The following ABHD3 variants were observed in gnomAD, a reference collection of about 807,000 sequenced individuals.
ABHD3 encodes phospholipase ABHD3.
ABHD3 carries 46 observed loss-of-function variants against 48.8 expected under a neutral mutation model. That is an observed-to-expected ratio of 0.94 (90% CI 0.74 to 1.20). The LOEUF is 1.20. Among genes scored for constraint, ABHD3 ranks in the 50% most tolerant of loss-of-function variants. The pLI is 0.00. For synonymous variants in ABHD3, 192 were observed against 183.7 expected, an observed-to-expected ratio of 1.04 and a Z score of -0.36; for missense variants, 490 against 497.8, an observed-to-expected ratio of 0.98 and a Z score of 0.15.
intron 8 of ABHD3, among the ~76,000 whole-genome samples, chr18:21,654,246 C>A (rs1014250025): frequency 6.6e-6 from 1 of 151,980 alleles, no homozygotes; most frequent in Non-Finnish European, 1.5e-5. Flanking sequence ...GTGATTGATG[C>A]AATAATTACA....
chr18:21,661,736 A>C (rs1029443981), intron 5 of ABHD3: 5 of 151,306 alleles, frequency 3.3e-5, no homozygotes, highest in Non-Finnish European at 7.4e-5. Flanking sequence ...GCAATAGCAC[A>C]ACGTAGGCTC....
At chr18:21,656,088 G>A (rs1159277556) in intron 8 of ABHD3, among the ~76,000 whole-genome samples, 3 of 151,328 alleles carry the variant, frequency 2.0e-5, no homozygotes, top group Non-Finnish European at 2.9e-5. Flanking sequence ...CCCGGGAGGC[G>A]GAGGTTGCAG....
At chr18:21,672,185 C>A (rs2039771928) in intron 4 of ABHD3, among the ~76,000 whole-genome samples, 1 of 152,008 alleles carries the variant, frequency 6.6e-6, no homozygotes, top group Non-Finnish European at 1.5e-5. Flanking sequence ...ATTTAAAATT[C>A]TTTTCATTAA....
At chr18:21,678,881 C>T (rs984351135) in intron 4 of ABHD3, among the ~76,000 whole-genome samples, 1 of 152,122 alleles carries the variant, frequency 6.6e-6, no homozygotes, top group African/African-American at 2.4e-5. Flanking sequence ...TTGGGCTTTC[C>T]CTCAATCCTA....
intron 3 of ABHD3, among the ~76,000 whole-genome samples, chr18:21,695,588 T>C (rs2040351983): frequency 6.6e-6 from 1 of 152,116 alleles, no homozygotes; most frequent in Non-Finnish European, 1.5e-5. Context: ...ATTACTTTTA[T>C]TTTTGCCATT....
At chr18:21,668,120 G>A (rs1050349866) in intron 4 of ABHD3, among the ~76,000 whole-genome samples, 3 of 138,206 alleles carry the variant, frequency 2.2e-5, no homozygotes, top group African/African-American at 8.4e-5. Flanking sequence ...AGAATGGCAC[G>A]AACCCAGGAG....
At chr18:21,675,381 G>A (rs1188169846) in intron 4 of ABHD3, among the ~76,000 whole-genome samples, 1 of 147,940 alleles carries the variant, frequency 6.8e-6, no homozygotes, top group Non-Finnish European at 1.5e-5. Flanking sequence ...CGATTCTCCT[G>A]CCTCAGCCCC....
chr18:21,670,913 T>C lies in ABHD3; in HGVS notation c.556-6683A>G, dbSNP rs576592013. Among the ~76,000 whole-genome samples, 3 of 152,012 alleles carry C rather than the reference T, an allele frequency of 2.0e-5. No homozygotes were observed. In the South Asian group the frequency reaches 6.2e-4, roughly 32 times the overall value. ...CCTGTCATCCCAACTACTTGGGAGG[T>C]TGAGGTGGGAGGATTGCTTGAACTC... is the stretch of plus-strand genomic sequence containing the variant. On this transcript the variant is annotated intron_variant, in intron 4 of 8. Transcript: ENST00000289119.
At chr18:21,674,890 T>C (rs376205883) in intron 4 of ABHD3, among the ~76,000 whole-genome samples, 2 of 151,496 alleles carry the variant, frequency 1.3e-5, no homozygotes, top group South Asian at 4.2e-4. Context: ...CCTTTCTAAA[T>C]GCCTTCTTCA....
rs562560785 is a variant in ABHD3 at position 21,657,514 on chromosome 18, G to GT, written c.843-363dup. Among the ~76,000 whole-genome samples, 1,043 of 148,004 alleles carry GT rather than the reference G, an allele frequency of 7.0e-3. 15 individuals are homozygous for GT. Among genetic ancestry groups the GT allele is most frequent in the African/African-American group, 0.024 (974 of 40,420 alleles). On this transcript the variant is annotated intron_variant, in intron 6 of 8. Transcript: ENST00000289119. ...CCACCACACCCCACCAATTTTGTGGGTTTTTTTTTTCTTTTGGTAGAGATG... is the reference window on the plus strand; with the variant it reads ...CCACCACACCCCACCAATTTTGTGGGTTTTTTTTTTTCTTTTGGTAGAGATG...
At chr18:21,670,968 C>T (rs572457689) in intron 4 of ABHD3, among the ~76,000 whole-genome samples, 2 of 152,212 alleles carry the variant, frequency 1.3e-5, no homozygotes, top group South Asian at 2.1e-4. Context: ...GAGCCAAGAT[C>T]GTGCCACTGT....
chr18:21,687,316 C>T (rs934712130), intron 3 of ABHD3, among the ~76,000 whole-genome samples: 16 of 150,078 alleles, frequency 1.1e-4, no homozygotes, highest in African/African-American at 3.9e-4. Flanking sequence ...TCAAGCCATT[C>T]TCCTGCCTCA....
At chr18:21,703,815 G>C (rs746686138) in intron 1 of ABHD3, 68 bp from the exon 2 acceptor site, 172 of 1,550,868 alleles carry the variant, frequency 1.1e-4, no homozygotes, top group Non-Finnish European at 1.4e-4. Flanking sequence ...ACCAGAAACC[G>C]GCAAAGACTT....
chr18:21,701,502 C>T (rs919797724), intron 3 of ABHD3: 2 of 152,086 alleles, frequency 1.3e-5, no homozygotes, highest in African/African-American at 4.8e-5. Context: ...CTGTGACCAG[C>T]CTAAAATTAT....
chr18:21,667,767 A>G (rs899091213), intron 4 of ABHD3, among the ~76,000 whole-genome samples: 1 of 152,184 alleles, frequency 6.6e-6, no homozygotes, highest in Non-Finnish European at 1.5e-5. Context: ...CTGAATTTAG[A>G]GAGGTTAAAT....
intron 4 of ABHD3, chr18:21,683,453 A>C: frequency 2.4e-6 from 1 of 415,138 alleles, no homozygotes; most frequent in Non-Finnish European, 5.0e-6. Context: ...AAGTGGAAAA[A>C]AAATCACTGT....
At position 21,704,734 on chromosome 18, in the gene ABHD3, C is replaced by T; in HGVS notation, c.-69G>A. On this transcript the variant is annotated 5_prime_UTR_variant, in exon 1 of 9. Transcript: ENST00000289119. Reference sequence around the variant, plus strand: ...CGGCTGGCGAGCGGGCGAGAGCGGGCGAGAGCGGACGCGGCGCCGCTGCCT... The same window carrying T: ...CGGCTGGCGAGCGGGCGAGAGCGGGTGAGAGCGGACGCGGCGCCGCTGCCT... 3 of 1,301,240 alleles carry T rather than the reference C, an allele frequency of 2.3e-6. No homozygotes were observed. Among genetic ancestry groups the T allele is most frequent in the Non-Finnish European group, 3.0e-6 (3 of 1,014,364 alleles). The allele number at this position is 1,301,240 out of a possible 1,614,324, so 80.6% of individuals were successfully genotyped here.
At chr18:21,673,323 C>T (rs571894218) in intron 4 of ABHD3, among the ~76,000 whole-genome samples, 6 of 152,270 alleles carry the variant, frequency 3.9e-5, no homozygotes, top group South Asian at 4.1e-4. Context: ...GATGGAGTTT[C>T]GCTCTTGTTG....
chr18:21,703,322 C>G (rs1234553742), intron 2 of ABHD3, among the ~76,000 whole-genome samples: 2 of 149,780 alleles, frequency 1.3e-5, no homozygotes, highest in Non-Finnish European at 3.0e-5. Flanking sequence ...CAGTAATCCC[C>G]AAACACTTCT....
Sources: allele counts gnomAD v4.1 joint callset (sites outside exome capture counted in the v4.1 genomes callset), GRCh38; gene constraint gnomAD v4.1.1; transcripts MANE v1.5; gene names NCBI Gene and HGNC (gene_info 2026-07-23, HGNC 2026-07-21).